The following AK8 variants were observed in gnomAD, a reference collection of about 807,000 sequenced individuals.
AK8 encodes the protein ATP-AMP transphosphorylase 8.
AK8 carries 44 observed loss-of-function variants against 54.6 expected under a neutral mutation model. The ratio of observed to expected loss-of-function variants is 0.81; its 90% CI spans 0.63 to 1.04. The LOEUF (loss-of-function observed/expected upper bound fraction) is 1.04. Among genes scored for constraint, AK8 ranks in the 50% least tolerant of loss-of-function variants. The probability of loss-of-function intolerance (pLI) is 0.00; values close to 1 mark genes in which losing one functional copy is unlikely to be tolerated. For missense variants in AK8, 555 were observed against 613.6 expected, an observed-to-expected ratio of 0.90 and a Z score of 1.01; for synonymous variants, 239 against 245.6, an observed-to-expected ratio of 0.97 and a Z score of 0.25.
At chr9:132,858,752 G>A (rs1843272297) in intron 4 of AK8, among the ~76,000 whole-genome samples, 1 of 152,156 alleles carries the variant, frequency 6.6e-6, no homozygotes, top group Non-Finnish European at 1.5e-5. Context: ...GCCTCCTAGA[G>A]TTTGGGAGGG....
chr9:132,772,801 G>A (rs946507950), intron 11 of AK8, among the ~76,000 whole-genome samples: 2 of 152,212 alleles, frequency 1.3e-5, no homozygotes, highest in South Asian at 2.1e-4. Context: ...TCTCTCACAT[G>A]TCCTACATCC....
intron 5 of AK8, among the ~76,000 whole-genome samples, chr9:132,830,532 T>C (rs774961137): frequency 6.8e-6 from 1 of 146,772 alleles, no homozygotes; most frequent in South Asian, 2.1e-4. Flanking sequence ...ATTTTTTCCA[T>C]ATGTTTGTTA....
chr9:132,867,861 G>C (rs966186252), intron 2 of AK8, among the ~76,000 whole-genome samples: 1 of 152,254 alleles, frequency 6.6e-6, no homozygotes, highest in Non-Finnish European at 1.5e-5. Context: ...TCAGGTGAGA[G>C]GAAGAGGTGA....
intron 10 of AK8, among the ~76,000 whole-genome samples, chr9:132,808,981 T>C (rs424039): frequency 0.28 from 42,915 of 152,036 alleles, 6,216 homozygotes; most frequent in East Asian, 0.49. Flanking sequence ...GATGGTAGGG[T>C]GTTCTGGCAG....
At chr9:132,813,854 G>C (rs1040571243) in intron 10 of AK8, among the ~76,000 whole-genome samples, 3 of 152,212 alleles carry the variant, frequency 2.0e-5, no homozygotes, top group Non-Finnish European at 4.4e-5. Flanking sequence ...CTGTCAAACA[G>C]GCGAGCATCT....
At chr9:132,804,495 GGGGTGAGGAGAA>G (rs1013343800) in intron 10 of AK8, among the ~76,000 whole-genome samples, 8 of 152,118 alleles carry the variant, frequency 5.3e-5, no homozygotes, top group African/African-American at 1.9e-4. Flanking sequence ...TCTGCAGTGA[GGGGTGAGGAGAA>G]GGAGTTCCCC....
upstream of AK8, chr9:132,878,288 C>T (rs561741249): frequency 6.9e-5 from 92 of 1,333,114 alleles, 2 homozygotes; most frequent in South Asian, 1.8e-3. This position sits in a 1 kb window ranked among gnomAD's most constrained non-coding sequence, Gnocchi z 4.7. Flanking sequence ...CCCTAGTAAC[C>T]GCGTCGCTAG....
chr9:132,867,835 C>T (rs929293), intron 2 of AK8, among the ~76,000 whole-genome samples: 54,526 of 152,122 alleles, frequency 0.36, 11,859 homozygotes, highest in South Asian at 0.57. Flanking sequence ...AACAAGGTGG[C>T]TTTGGGGACA....
chr9:132,735,992 C>T (rs1433260667), intron 11 of AK8, among the ~76,000 whole-genome samples: 1 of 152,170 alleles, frequency 6.6e-6, no homozygotes, highest in Non-Finnish European at 1.5e-5. Context: ...CAGCATGTTA[C>T]CGCACTGAAT....
At chr9:132,834,246 G>A (rs889126872) in intron 5 of AK8, among the ~76,000 whole-genome samples, 17 of 152,218 alleles carry the variant, frequency 1.1e-4, no homozygotes, top group African/African-American at 4.1e-4. Context: ...CATCTTAAAA[G>A]ATCCAGTTTG....
Position 132,863,667 on chromosome 9 carries a change from T to C in AK8, c.331A>G (p.Lys111Glu), listed in dbSNP as rs778526266. 6.2e-7 allele frequency: 1 copy of C among 1,611,510 alleles called. No homozygotes were observed. Among genetic ancestry groups the C allele is most frequent in the South Asian group, 1.1e-5 (1 of 90,946 alleles). The part of the protein sequence containing the change: ...TEARRLYLQR[K>E]TVPSALLVQL... ...CCTGTCCCCGGGGCCAGTCCTACCT[T>C]CCTTTGCAGATAAAGCCTTCTGGCT... The change falls in exon 4 of 13, where the codon AAG becomes GAG. Residue 111 changes from lysine (K) to glutamate (E), a missense_variant and splice_region_variant. Physicochemically the swap from Lys to Glu is moderately conservative, Grantham distance 56. Coordinates refer to ENST00000298545, the MANE Select transcript of AK8 (RefSeq NM_152572.3).
At chr9:132,753,514 G>C (rs972969994) in intron 11 of AK8, among the ~76,000 whole-genome samples, 3 of 152,270 alleles carry the variant, frequency 2.0e-5, no homozygotes, top group Admixed American at 1.3e-4. Flanking sequence ...GGGGCAGAGA[G>C]AGCTCATGAG....
rs1838952815 is a variant in AK8 at position 132,770,987 on chromosome 9, C to T, written c.1121+21647G>A. Among the ~76,000 whole-genome samples the T allele has an allele frequency of 1.3e-5, 2 of 152,104 alleles. No individual in the cohort carries two copies. The highest frequency in any genetic ancestry group is 4.8e-5 in the African/African-American group (2 of 41,400). Reference sequence around the variant, plus strand: ...TGGGAGGGTCTGGCTGAGCAGGGGGCCTCAGGAGGCCTCTGGGAAGCCAGC... The same window carrying T: ...TGGGAGGGTCTGGCTGAGCAGGGGGTCTCAGGAGGCCTCTGGGAAGCCAGC... On this transcript the variant is annotated intron_variant, in intron 11 of 12. Coordinates refer to ENST00000298545, the MANE Select transcript of AK8 (RefSeq NM_152572.3). The surrounding 1 kb of genome is among the most constrained non-coding windows in gnomAD (Gnocchi z 4.3).
At chr9:132,840,766 G>A (rs214628) in intron 5 of AK8, among the ~76,000 whole-genome samples, 30,869 of 151,936 alleles carry the variant, frequency 0.2, 3,427 homozygotes, top group East Asian at 0.44. Context: ...GGTGGCACAC[G>A]CCTGCAATCC....
intron 11 of AK8, among the ~76,000 whole-genome samples, chr9:132,739,915 T>C (rs188358809): frequency 6.6e-6 from 1 of 152,354 alleles, no homozygotes; most frequent in East Asian, 1.9e-4. Flanking sequence ...ACAAGGCCCT[T>C]ACCTTGTGGG....
intron 5 of AK8, among the ~76,000 whole-genome samples, chr9:132,830,444 A>G (rs1842059496): frequency 6.6e-6 from 1 of 152,164 alleles, no homozygotes; most frequent in Admixed American, 6.6e-5. Context: ...TATCTAGGGG[A>G]AAAAAATCTG....
At chr9:132,801,912 G>C (rs912054126) in intron 10 of AK8, among the ~76,000 whole-genome samples, 2 of 152,212 alleles carry the variant, frequency 1.3e-5, no homozygotes, top group African/African-American at 4.8e-5. Context: ...GTGGAGCTTG[G>C]ATTTGCATCC....
chr9:132,727,274 G>C (rs1159685293), intron 12 of AK8, among the ~76,000 whole-genome samples, 180 bp downstream of exon 12: 6 of 152,132 alleles, frequency 3.9e-5, no homozygotes, highest in African/African-American at 1.4e-4. Flanking sequence ...ATTCTTCCAG[G>C]CAAAGACGGT....
intron 5 of AK8, among the ~76,000 whole-genome samples, chr9:132,829,439 A>G (rs753299240): frequency 1.3e-5 from 2 of 152,180 alleles, no homozygotes; most frequent in African/African-American, 2.4e-5. Flanking sequence ...TATCATAGAT[A>G]ATACCTCGAT....
Sources: allele counts gnomAD v4.1 joint callset (sites outside exome capture counted in the v4.1 genomes callset), GRCh38; gene constraint gnomAD v4.1.1; non-coding constraint Gnocchi (gnomAD v3.1); transcripts MANE v1.5; gene names NCBI Gene and HGNC (gene_info 2026-07-23, HGNC 2026-07-21).